The following ADAMTS2 variants were observed in gnomAD, a reference collection of about 807,000 sequenced individuals.
The protein encoded by ADAMTS2 is A disintegrin and metalloproteinase with thrombospondin motifs 2.
ADAMTS2 carries 50 observed loss-of-function variants against 123.0 expected under a neutral mutation model. That is an observed-to-expected ratio of 0.41 (90% CI 0.32 to 0.51). The LOEUF (loss-of-function observed/expected upper bound fraction) is 0.51. Among genes scored for constraint, ADAMTS2 ranks in the 20% least tolerant of loss-of-function variants. The pLI is 0.35. For missense variants in ADAMTS2, 1,494 were observed against 1,705.2 expected, an observed-to-expected ratio of 0.88 and a Z score of 2.18; for synonymous variants, 678 against 695.4, an observed-to-expected ratio of 0.98 and a Z score of 0.39.
Position 179,122,747 on chromosome 5 carries a change from G to A in ADAMTS2, c.2985C>T (p.Thr995=). ...SQCSVTCGNG[T]QERPVLCRTA... is the part of the protein sequence containing the mutation. The stretch of plus-strand genomic sequence containing the variant: ...TGCGGCAGAGCACTGGCCGCTCCTG[G>A]GTGCCGTTGCCACAGGTTACTGAGC... Residue 995 remains threonine, a synonymous_variant, in exon 20 of 22, where the codon ACC becomes ACT. Transcript: ENST00000251582. 6.4e-7 allele frequency: 1 copy of A among 1,554,544 alleles called. No individual in the cohort carries two copies. The highest frequency in any genetic ancestry group is 8.7e-7 in the Non-Finnish European group (1 of 1,149,406).
At chr5:179,229,340 CCCG>C in intron 3 of ADAMTS2, among the ~76,000 whole-genome samples, 1 of 105,928 alleles carries the variant, frequency 9.4e-6, no homozygotes, top group African/African-American at 3.6e-5. Context: ...AACATGAGAC[CCCG>C]CTGCCCACTC....
chr5:179,290,224 C>T (rs917244463), intron 2 of ADAMTS2, among the ~76,000 whole-genome samples: 5 of 152,132 alleles, frequency 3.3e-5, no homozygotes, highest in Admixed American at 6.5e-5. Context: ...AATTCTTGCT[C>T]TGGAGAGGCT....
At chr5:179,127,274 G>A (rs1258075059) in intron 17 of ADAMTS2, among the ~76,000 whole-genome samples, 1 of 152,168 alleles carries the variant, frequency 6.6e-6, no homozygotes, top group Non-Finnish European at 1.5e-5. Context: ...GTGGGGCCGG[G>A]GGTGCCCAGG....
intron 18 of ADAMTS2, 117 bp from the exon 19 acceptor site, chr5:179,125,297 G>A: frequency 1.1e-6 from 1 of 869,790 alleles, no homozygotes; most frequent in Admixed American, 1.8e-5. Context: ...AGGGCAGCCT[G>A]CACCCCTCCC....
chr5:179,292,477 C>T (rs1010310492), intron 2 of ADAMTS2, among the ~76,000 whole-genome samples: 2 of 152,062 alleles, frequency 1.3e-5, no homozygotes, highest in Admixed American at 6.6e-5. Context: ...CAAATGTGTT[C>T]GTGCTTCTCC....
Position 179,345,234 on chromosome 5 carries a change from G to A in ADAMTS2, c.95C>T (p.Pro32Leu), listed in dbSNP as rs886060498. ...GGCGAGCCTGGCGTTCGCGGGCGGC[G>A]GCGGCGGCGGCAGGAGCGGCGGCGG... The part of the protein sequence containing the change: ...LLPPPLLPPP[P>L]PPANARLAAA... The change falls in exon 1 of 22, where the codon CCG (proline) becomes CTG (leucine). Residue 32 changes from proline to leucine, a missense_variant. Pro to Leu is a moderately conservative substitution (Grantham distance 98). Transcript: ENST00000251582. The surrounding 1 kb of genome is among the most constrained non-coding windows in gnomAD (Gnocchi z 7.5). 8.7e-7 allele frequency: 1 copy of A among 1,142,946 alleles called. No homozygotes were observed. Among genetic ancestry groups the A allele is most frequent in the Non-Finnish European group, 1.1e-6 (1 of 937,298 alleles). The allele number at this position is 1,142,946 out of a possible 1,614,324, so 70.8% of individuals were successfully genotyped here.
At chr5:179,211,064 G>A (rs1317082267) in intron 3 of ADAMTS2, among the ~76,000 whole-genome samples, 2 of 152,222 alleles carry the variant, frequency 1.3e-5, no homozygotes, top group Non-Finnish European at 1.5e-5. Context: ...CCTTGGCCTT[G>A]GGCCTGCCCA....
intron 4 of ADAMTS2, among the ~76,000 whole-genome samples, chr5:179,194,986 C>A (rs184657701): frequency 1.4e-4 from 21 of 152,324 alleles, no homozygotes; most frequent in African/African-American, 5.1e-4. Context: ...ATTCACGATG[C>A]GGCCAGGCCT....
chr5:179,195,586 G>A (rs1764407228), intron 4 of ADAMTS2, among the ~76,000 whole-genome samples: 1 of 152,224 alleles, frequency 6.6e-6, no homozygotes. Flanking sequence ...GGAACCACGA[G>A]GAGCTCTGCA....
At chr5:179,222,741 T>G (rs1473616869) in intron 3 of ADAMTS2, among the ~76,000 whole-genome samples, 5 of 152,252 alleles carry the variant, frequency 3.3e-5, no homozygotes, top group Non-Finnish European at 7.3e-5. Context: ...GCTGCCCATG[T>G]GCTCCTGCCT....
rs1766569258 is a variant in ADAMTS2 at position 179,272,604 on chromosome 5, T to C, written c.688+307A>G. The stretch of plus-strand genomic sequence containing the variant: ...CCGCTCCACGACACTTGCTTGCCTT[T>C]AGGCAACAGAAGATGGGCCCTTGGA... On this transcript the variant is annotated intron_variant, in intron 3 of 21. Coordinates refer to ENST00000251582, the MANE Select transcript of ADAMTS2 (RefSeq NM_014244.5). This position sits in a 1 kb window ranked among gnomAD's most constrained non-coding sequence, Gnocchi z 5.8. 6.6e-6 allele frequency among the ~76,000 whole-genome samples: 1 copy of C among 152,144 alleles called. No individual in the cohort carries two copies. Among genetic ancestry groups the C allele is most frequent in the South Asian group, 2.1e-4 (1 of 4,822 alleles).
At chr5:179,284,900 A>C (rs1368872394) in intron 2 of ADAMTS2, among the ~76,000 whole-genome samples, 2 of 152,222 alleles carry the variant, frequency 1.3e-5, no homozygotes, top group Non-Finnish European at 2.9e-5. Context: ...ACGTCAGCAC[A>C]GTCTAATAAT....
At chr5:179,278,783 G>A (rs567042695) in intron 2 of ADAMTS2, among the ~76,000 whole-genome samples, 4 of 151,976 alleles carry the variant, frequency 2.6e-5, no homozygotes, top group South Asian at 4.2e-4. Flanking sequence ...GGTAGTACCC[G>A]GGTCATCAAG....
chr5:179,165,552 G>A (rs1763681651), intron 5 of ADAMTS2, among the ~76,000 whole-genome samples: 1 of 152,158 alleles, frequency 6.6e-6, no homozygotes, highest in African/African-American at 2.4e-5. Flanking sequence ...GTAGCACCCT[G>A]GGCTCTGCAA....
intron 3 of ADAMTS2, among the ~76,000 whole-genome samples, chr5:179,265,217 C>T (rs1191655945): frequency 3.3e-5 from 5 of 152,246 alleles, no homozygotes; most frequent in Non-Finnish European, 7.3e-5. Flanking sequence ...CCACCATCCT[C>T]CGGGTCAGGC....
In ADAMTS2 at chr5:179,197,384, G is replaced by A. The variant is rs1764451954; in HGVS notation, c.891+10129C>T. Among the ~76,000 whole-genome samples the A allele has an allele frequency of 6.6e-6, 1 of 152,140 alleles. No homozygotes were observed. Among genetic ancestry groups the A allele is most frequent in the Non-Finnish European group, 1.5e-5 (1 of 68,016 alleles). ...AGCCACAAAGGAAGCTTCAGCCTTG[G>A]GCCCAAGCTTTATATTTCTTGAAGT... On this transcript the variant is annotated intron_variant, in intron 4 of 21. Transcript: ENST00000251582. This position sits in a 1 kb window ranked among gnomAD's most constrained non-coding sequence, Gnocchi z 4.2.
intron 12 of ADAMTS2, among the ~76,000 whole-genome samples, chr5:179,136,334 G>A (rs534908519): frequency 6.6e-6 from 1 of 152,266 alleles, no homozygotes; most frequent in African/African-American, 2.4e-5. Flanking sequence ...GGAGACCTCC[G>A]AGGCTGCAAA....
At chr5:179,233,980 A>C (rs778367313) in intron 3 of ADAMTS2, among the ~76,000 whole-genome samples, 4 of 152,174 alleles carry the variant, frequency 2.6e-5, no homozygotes, top group Non-Finnish European at 5.9e-5. Flanking sequence ...CAGAAGAGGA[A>C]AAGGTAGTGG....
chr5:179,233,418 C>T (rs1289146997), intron 3 of ADAMTS2, among the ~76,000 whole-genome samples: 1 of 151,188 alleles, frequency 6.6e-6, no homozygotes. Context: ...TGGTGGCTCA[C>T]GCCTGTAATC....
Sources: allele counts gnomAD v4.1 joint callset (sites outside exome capture counted in the v4.1 genomes callset), GRCh38; gene constraint gnomAD v4.1.1; non-coding constraint Gnocchi (gnomAD v3.1); transcripts MANE v1.5; gene names NCBI Gene and HGNC (gene_info 2026-07-23, HGNC 2026-07-21).